Variants in ARHGAP1 observed in about 807,000 individuals in gnomAD.
ARHGAP1 encodes rho GTPase-activating protein 1.
Under a neutral mutation model 52.2 loss-of-function variants are expected in ARHGAP1, and 23 were observed. The observed-to-expected ratio is 0.44, with a 90% CI of 0.32 to 0.62. ARHGAP1 has a LOEUF of 0.62. ARHGAP1 is among the 20% of genes least tolerant of loss of function. The pLI is 0.05. For synonymous variants in ARHGAP1, 210 were observed against 228.4 expected, an observed-to-expected ratio of 0.92 and a Z score of 0.73; for missense variants, 480 against 560.9, an observed-to-expected ratio of 0.86 and a Z score of 1.46.
In ARHGAP1 at chr11:46,679,009, G is replaced by A. The variant is rs757833476; in HGVS notation, c.*28C>T. 9 of 1,611,944 alleles carry A rather than the reference G, an allele frequency of 5.6e-6. No homozygotes were observed. Among genetic ancestry groups the A allele is most frequent in the Admixed American group, 5.0e-5 (3 of 59,794 alleles). On this transcript the variant is annotated 3_prime_UTR_variant, in exon 13 of 13. Transcript: ENST00000311956. The surrounding 1 kb of genome is among the most constrained non-coding windows in gnomAD (Gnocchi z 4.4). The stretch of plus-strand genomic sequence containing the variant: ...AAGAGTCCAAACCCGGGCTACCAGA[G>A]AAGGGGCTGGTGGGGCAGGGGCCAG...
In ARHGAP1 at chr11:46,680,799, C is replaced by T; in HGVS notation, c.636-52G>A. On this transcript the variant is annotated intron_variant, in intron 7 of 12. Coordinates refer to ENST00000311956, the MANE Select transcript of ARHGAP1 (RefSeq NM_004308.5). The surrounding 1 kb of genome is among the most constrained non-coding windows in gnomAD (Gnocchi z 5.9). Reference sequence around the variant, plus strand: ...GGTCCTGCCTGGCTCTGGAGTCACTCTGCCAATTCAATCAAGCATTGACCA... The same window carrying T: ...GGTCCTGCCTGGCTCTGGAGTCACTTTGCCAATTCAATCAAGCATTGACCA... 1 of 1,378,020 alleles carries T rather than the reference C, an allele frequency of 7.3e-7. No homozygotes were observed. Among genetic ancestry groups the T allele is most frequent in the South Asian group, 1.4e-5 (1 of 73,552 alleles). 85.4% of individuals were successfully genotyped at this position (1,378,020 alleles called of 1,614,324 possible).
In ARHGAP1 at chr11:46,680,633, T is replaced by C; in HGVS notation, c.743+7A>G. ...CCCGCCGTGGCCCAGCCACCTTTCATACTTACTGCTGCAGCGAGACTCCAA... is the reference window on the plus strand; with the variant it reads ...CCCGCCGTGGCCCAGCCACCTTTCACACTTACTGCTGCAGCGAGACTCCAA... On this transcript the variant is annotated splice_region_variant and intron_variant, in intron 8 of 12. Coordinates refer to ENST00000311956, the MANE Select transcript of ARHGAP1 (RefSeq NM_004308.5). This position sits in a 1 kb window ranked among gnomAD's most constrained non-coding sequence, Gnocchi z 5.9. The C allele has an allele frequency of 1.9e-6, 3 of 1,613,342 alleles. No individual in the cohort carries two copies. The highest frequency in any genetic ancestry group is 2.5e-6 in the Non-Finnish European group (3 of 1,179,500).
At chr11:46,687,827 A>C (rs552546144) in intron 4 of ARHGAP1, 2 of 251,178 alleles carry the variant, frequency 8.0e-6, no homozygotes, top group South Asian at 1.4e-4. Flanking sequence ...ACACCATAGG[A>C]TTATAACAGT....
chr11:46,696,141 G>A lies in ARHGAP1; in HGVS notation c.-34C>T. ...CTGTCCCAGACAGCCTTGCCCTGCAGAACCTTAAGAGAAACCTGGGAGAGA... is the reference window on the plus strand; with the variant it reads ...CTGTCCCAGACAGCCTTGCCCTGCAAAACCTTAAGAGAAACCTGGGAGAGA... On this transcript the variant is annotated 5_prime_UTR_variant, in exon 2 of 13. Coordinates refer to ENST00000311956, the MANE Select transcript of ARHGAP1 (RefSeq NM_004308.5). This position sits in a 1 kb window ranked among gnomAD's most constrained non-coding sequence, Gnocchi z 4.8. 1.9e-6 allele frequency: 3 copies of A among 1,562,928 alleles called. No individual in the cohort carries two copies. The highest frequency in any genetic ancestry group is 2.6e-6 in the Non-Finnish European group (3 of 1,155,086).
At position 46,679,727 on chromosome 11, in the gene ARHGAP1, G is replaced by A. The variant is rs1172212701; in HGVS notation, c.948C>T (p.Val316=). ...DQYNELHLPA[V]ILKTFLRELP... is the part of the protein sequence containing the mutation. ...GCTCCCGGAGGAAGGTCTTGAGGATGACTGCTGGCAGGTGCAGCTCATTGT... is the reference window on the plus strand; with the variant it reads ...GCTCCCGGAGGAAGGTCTTGAGGATAACTGCTGGCAGGTGCAGCTCATTGT... Residue 316 remains valine, a synonymous_variant, in exon 11 of 13, where the codon GTC becomes GTT. Transcript: ENST00000311956. This position sits in a 1 kb window ranked among gnomAD's most constrained non-coding sequence, Gnocchi z 4.4. 6.2e-7 allele frequency: 1 copy of A among 1,613,960 alleles called. No homozygotes were observed. The highest frequency in any genetic ancestry group is 1.7e-5 in the Admixed American group (1 of 60,004).
chr11:46,682,824 CAAT>C (rs1380178078), intron 4 of ARHGAP1, among the ~76,000 whole-genome samples: 6 of 152,168 alleles, frequency 3.9e-5, no homozygotes, highest in Admixed American at 3.3e-4. Context: ...TTCTCTGAAT[CAAT>C]AATAATGATG....
At position 46,680,463 on chromosome 11, in the gene ARHGAP1, TGAG is replaced by T; in HGVS notation, c.820+21_820+23del. 3 of 1,612,208 alleles carry T rather than the reference TGAG, an allele frequency of 1.9e-6. No homozygotes were observed. The highest frequency in any genetic ancestry group is 2.5e-6 in the Non-Finnish European group (3 of 1,178,898). ...GAAGGGAGCCGGGAGACCTGGCTGGTGAGGAGGCAGGCCCGGCACTCACCGTGG... is the reference window on the plus strand; with the variant it reads ...GAAGGGAGCCGGGAGACCTGGCTGGTGAGGCAGGCCCGGCACTCACCGTGG... On this transcript the variant is annotated intron_variant, in intron 9 of 12. Transcript: ENST00000311956. The surrounding 1 kb of genome is among the most constrained non-coding windows in gnomAD (Gnocchi z 5.9).
intron 3 of ARHGAP1, among the ~76,000 whole-genome samples, chr11:46,691,938 T>C (rs2064617925): frequency 6.6e-6 from 1 of 152,196 alleles, no homozygotes; most frequent in African/African-American, 2.4e-5. Context: ...CTGCTTCAGA[T>C]AGTGAGTTTC....
intron 4 of ARHGAP1, 93 bp downstream of exon 4, chr11:46,688,080 A>T: frequency 7.9e-7 from 1 of 1,271,644 alleles, no homozygotes; most frequent in Non-Finnish European, 1.1e-6. Flanking sequence ...GTGGCCTAGC[A>T]CCCACAGGCA....
At chr11:46,683,643 CTTT>C (rs199922376) in intron 4 of ARHGAP1, among the ~76,000 whole-genome samples, 4 of 144,300 alleles carry the variant, frequency 2.8e-5, no homozygotes, top group African/African-American at 2.6e-5. Flanking sequence ...AAGCCCTCTC[CTTT>C]TTTTTTTTTT....
In ARHGAP1 at chr11:46,680,998, G is replaced by T; in HGVS notation, c.635+13C>A. 6.2e-7 allele frequency: 1 copy of T among 1,611,930 alleles called. No homozygotes were observed. The highest frequency in any genetic ancestry group is 2.2e-5 in the East Asian group (1 of 44,870). On this transcript the variant is annotated intron_variant, in intron 7 of 12. Transcript: ENST00000311956. The surrounding 1 kb of genome is among the most constrained non-coding windows in gnomAD (Gnocchi z 5.9). The stretch of plus-strand genomic sequence containing the variant: ...CTGGCTTCACGAGCCCCCAGCCGCC[G>T]CACCCGCCTCACTTGAGCACTTGGC...
intron 3 of ARHGAP1, 39 bp from the exon 4 acceptor site, chr11:46,688,299 G>A: frequency 1.3e-6 from 2 of 1,580,882 alleles, no homozygotes; most frequent in Non-Finnish European, 1.7e-6. Flanking sequence ...GGGTTGAAGG[G>A]GAACCAAAAG....
At chr11:46,700,073 G>A (rs1249472792) in intron 1 of ARHGAP1, among the ~76,000 whole-genome samples, 1 of 152,112 alleles carries the variant, frequency 6.6e-6, no homozygotes, top group East Asian at 1.9e-4. Context: ...AGGAGGCTGA[G>A]GCAGGAGAAT....
chr11:46,679,588 G>A lies in ARHGAP1; in HGVS notation c.1027+60C>T. 6.2e-7 allele frequency: 1 copy of A among 1,610,998 alleles called. No homozygotes were observed. The highest frequency in any genetic ancestry group is 1.7e-5 in the Admixed American group (1 of 59,810). On this transcript the variant is annotated intron_variant, in intron 11 of 12. Coordinates refer to ENST00000311956, the MANE Select transcript of ARHGAP1 (RefSeq NM_004308.5). The surrounding 1 kb of genome is among the most constrained non-coding windows in gnomAD (Gnocchi z 4.4). Reference sequence around the variant, plus strand: ...CCCTGGGAGGCGCCTAGGCCCGAAAGCCTGCAGCGCACCTGCCCCAAGTCC... The same window carrying A: ...CCCTGGGAGGCGCCTAGGCCCGAAAACCTGCAGCGCACCTGCCCCAAGTCC...
chr11:46,695,592 G>A (rs962966362), intron 3 of ARHGAP1, 68 bp downstream of exon 3: 1 of 1,437,612 alleles, frequency 7.0e-7, no homozygotes, highest in Non-Finnish European at 9.6e-7. Context: ...TTCCCCTGTG[G>A]TGTGAAGGGC....
Position 46,680,916 on chromosome 11 carries a change from G to C in ARHGAP1, c.635+95C>G. 8.1e-7 allele frequency: 1 copy of C among 1,239,660 alleles called. No individual in the cohort carries two copies. The highest frequency in any genetic ancestry group is 2.3e-5 in the East Asian group (1 of 42,974). 76.8% of individuals were successfully genotyped at this position (1,239,660 alleles called of 1,614,324 possible). A position where few individuals can be genotyped will look rare whatever the true frequency, so the allele number is the denominator to read the frequency against. On this transcript the variant is annotated intron_variant, in intron 7 of 12. Coordinates refer to ENST00000311956, the MANE Select transcript of ARHGAP1 (RefSeq NM_004308.5). The surrounding 1 kb of genome is among the most constrained non-coding windows in gnomAD (Gnocchi z 5.9). ...AGACCTGGGAGAGGTCGGGACACGG[G>C]CTTGCTCTGCCTAAGCCCCACGCGG...
intron 3 of ARHGAP1, among the ~76,000 whole-genome samples, chr11:46,689,761 G>A (rs1039604396): frequency 1.3e-5 from 2 of 151,892 alleles, no homozygotes; most frequent in African/African-American, 4.8e-5. Context: ...AGCTGGTCTC[G>A]AACTCCTGAC....
At chr11:46,685,615 G>A (rs567993328) in intron 4 of ARHGAP1, among the ~76,000 whole-genome samples, 10 of 150,970 alleles carry the variant, frequency 6.6e-5, no homozygotes, top group South Asian at 2.1e-4. Flanking sequence ...GTGAGCCACC[G>A]CGCCAGGTCA....
intron 3 of ARHGAP1, among the ~76,000 whole-genome samples, chr11:46,693,888 G>T (rs1565689984): frequency 2.0e-5 from 3 of 152,156 alleles, no homozygotes; most frequent in Admixed American, 2.0e-4. Context: ...TACAAATCAT[G>T]GCCTTTTTCC....
Sources: gnomAD v4.1 joint callset for allele counts (sites outside exome capture counted in the v4.1 genomes callset) on GRCh38, gnomAD v4.1.1 for gene constraint, Gnocchi (gnomAD v3.1) non-coding constraint, MANE v1.5 for transcripts, NCBI Gene and HGNC (gene_info 2026-07-23, HGNC 2026-07-21) for gene names.